LRRC1: variants seen among roughly 807,000 people sequenced by gnomAD.
LRRC1 encodes the protein leucine rich repeat containing 1, also known as leucine-rich repeat-containing protein 1.
Under a neutral mutation model 69.9 loss-of-function variants are expected in LRRC1, and 28 were observed. The observed-to-expected ratio is 0.40, with a 90% CI of 0.30 to 0.55. The LOEUF (loss-of-function observed/expected upper bound fraction) is 0.55, where lower values mean the gene tolerates loss of function less well. Among genes scored for constraint, LRRC1 ranks in the 20% least tolerant of loss-of-function variants. The probability of loss-of-function intolerance (pLI) is 0.47; values close to 1 mark genes in which losing one functional copy is unlikely to be tolerated. For synonymous variants in LRRC1, 236 were observed against 240.2 expected, an observed-to-expected ratio of 0.98 and a Z score of 0.16; for missense variants, 498 against 609.0, an observed-to-expected ratio of 0.82 and a Z score of 1.92.
intron 1 of LRRC1, among the ~76,000 whole-genome samples, chr6:53,816,729 A>G (rs1764960856): frequency 2.0e-4 from 1 of 5,108 alleles, no homozygotes; most frequent in African/African-American, 4.0e-4. Context: ...CATGGAGGGC[A>G]GAGGGAAGGA....
chr6:53,817,441 AGAACATTT>A, intron 1 of LRRC1, among the ~76,000 whole-genome samples: 1 of 152,280 alleles, frequency 6.6e-6, no homozygotes, highest in South Asian at 2.1e-4. Context: ...TTTTGTGATG[AGAACATTT>A]GAAATGTTCT....
At chr6:53,840,931 T>TGCGC (rs1554181927) in intron 1 of LRRC1, among the ~76,000 whole-genome samples, 1 of 123,942 alleles carries the variant, frequency 8.1e-6, no homozygotes, top group Non-Finnish European at 1.8e-5. Context: ...TGTGTGTGCG[T>TGCGC]GCGCGCACAT....
chr6:53,856,962 T>A (rs1766328820), intron 2 of LRRC1, among the ~76,000 whole-genome samples: 1 of 152,072 alleles, frequency 6.6e-6, no homozygotes, highest in African/African-American at 2.4e-5. Flanking sequence ...CTGGATAAGT[T>A]CCCACTTCCC....
chr6:53,871,237 A>G (rs970333256), intron 2 of LRRC1, among the ~76,000 whole-genome samples: 3 of 152,152 alleles, frequency 2.0e-5, no homozygotes, highest in African/African-American at 7.2e-5. Flanking sequence ...GGCTGTACTC[A>G]TTTAGATTCC....
intron 1 of LRRC1, among the ~76,000 whole-genome samples, chr6:53,832,119 T>C (rs1457594892): frequency 6.6e-6 from 1 of 152,200 alleles, no homozygotes; most frequent in Admixed American, 6.5e-5. Context: ...TTTGATCCTA[T>C]TGGTATGATG....
intron 2 of LRRC1, among the ~76,000 whole-genome samples, chr6:53,847,598 A>G (rs896735485): frequency 6.6e-6 from 1 of 152,336 alleles, no homozygotes; most frequent in South Asian, 2.1e-4. Context: ...AGCACTGCAG[A>G]CTAAGTGGAC....
At chr6:53,886,915 A>G (rs764408554) in intron 4 of LRRC1, among the ~76,000 whole-genome samples, 8 of 152,142 alleles carry the variant, frequency 5.3e-5, no homozygotes, top group Non-Finnish European at 1.0e-4. Context: ...ATCAGCTTGT[A>G]CTCTGATACT....
chr6:53,899,954 C>T (rs971573013), intron 8 of LRRC1, 63 bp downstream of exon 8: 2 of 1,491,678 alleles, frequency 1.3e-6, no homozygotes, highest in Non-Finnish European at 9.1e-7. Context: ...GGGTTTGGGG[C>T]ACACTTTGAT....
rs560442734 is a variant in LRRC1, at chr6:53,873,378, G to A, written c.278-5615G>A. Among the ~76,000 whole-genome samples the A allele has an allele frequency of 3.4e-4, 51 of 148,734 alleles. No individual in the cohort carries two copies. In the South Asian group the frequency reaches 9.4e-3, roughly 27 times the overall value. On this transcript the variant is annotated intron_variant, in intron 2 of 13. Transcript: ENST00000370888. ...GCGATCTGGGCTCGCTACAAGCTCC[G>A]CCTCCTGGGTTCATGCCATTCTCCT...
chr6:53,917,814 AG>A (rs1322468855), intron 11 of LRRC1, among the ~76,000 whole-genome samples: 1 of 152,248 alleles, frequency 6.6e-6, no homozygotes, highest in East Asian at 1.9e-4. Flanking sequence ...AAAATGAAAA[AG>A]TTTGATGTAC....
chr6:53,842,315 G>A (rs751774539), intron 2 of LRRC1, 88 bp downstream of exon 2: 50 of 841,702 alleles, frequency 5.9e-5, no homozygotes, highest in Admixed American at 2.1e-4. Flanking sequence ...GAGAACATGC[G>A]GTGTTTGGTT....
chr6:53,876,852 C>A (rs1315103050), intron 2 of LRRC1, among the ~76,000 whole-genome samples: 1 of 152,156 alleles, frequency 6.6e-6, no homozygotes, highest in Non-Finnish European at 1.5e-5. Flanking sequence ...GGTGGCTTTT[C>A]CAGGTGCACA....
intron 2 of LRRC1, among the ~76,000 whole-genome samples, chr6:53,860,344 A>G (rs1318754160): frequency 6.6e-6 from 1 of 152,246 alleles, no homozygotes; most frequent in Non-Finnish European, 1.5e-5. Context: ...ACCAATTTCA[A>G]TGTGTAAGTT....
chr6:53,913,856 C>A lies in LRRC1; in HGVS notation c.993C>A (p.Ile331=). The part of the protein sequence containing the change: ...RNKLVSLPKE[I]GGCCSLTVFC... ...ATGTATTTTCTTTCTCACCATAGAT[C>A]GGCGGGTGCTGCAGCCTCACTGTGT... Residue 331 remains isoleucine (I), a splice_region_variant and synonymous_variant, in exon 11 of 14, where the codon ATC becomes ATA. Coordinates refer to ENST00000370888, the MANE Select transcript of LRRC1 (RefSeq NM_018214.5). 2 of 1,572,352 alleles carry A rather than the reference C, an allele frequency of 1.3e-6. No homozygotes were observed. Among genetic ancestry groups the A allele is most frequent in the Non-Finnish European group, 8.7e-7 (1 of 1,154,820 alleles).
At chr6:53,826,714 C>T (rs1428137952) in intron 1 of LRRC1, among the ~76,000 whole-genome samples, 17 of 152,124 alleles carry the variant, frequency 1.1e-4, no homozygotes, top group Admixed American at 1.1e-3. Flanking sequence ...CCTCTTTAGA[C>T]ATACATTTTG....
intron 2 of LRRC1, among the ~76,000 whole-genome samples, chr6:53,863,495 T>G (rs1766597551): frequency 6.6e-6 from 1 of 152,198 alleles, no homozygotes; most frequent in Non-Finnish European, 1.5e-5. Context: ...TCTGAAGTCT[T>G]TATGTTCAAG....
At chr6:53,900,930 A>G (rs911813760) in intron 8 of LRRC1, among the ~76,000 whole-genome samples, 1 of 152,236 alleles carries the variant, frequency 6.6e-6, no homozygotes, top group Non-Finnish European at 1.5e-5. Flanking sequence ...AAGGTTTTCA[A>G]TAGTTGGAGA....
In LRRC1 at chr6:53,865,883, A is replaced by G. The variant is rs1290566827; in HGVS notation, c.278-13110A>G. ...ATTACAGGCACGCGCCACCATGCCC[A>G]GCTAATTTTTGTATTTTTAGTAGAG... On this transcript the variant is annotated intron_variant, in intron 2 of 13. Transcript: ENST00000370888. 8.6e-5 allele frequency among the ~76,000 whole-genome samples: 13 copies of G among 151,720 alleles called. No individual in the cohort carries two copies. In the East Asian group the frequency reaches 2.1e-3, roughly 25 times the overall value.
intron 2 of LRRC1, among the ~76,000 whole-genome samples, chr6:53,854,941 ACAGGAAGC>A (rs1219076176): frequency 6.6e-6 from 1 of 152,246 alleles, no homozygotes; most frequent in Non-Finnish European, 1.5e-5. Context: ...ATGAACATCA[ACAGGAAGC>A]TATTAGGTTT....
Sources: allele counts gnomAD v4.1 joint callset (sites outside exome capture counted in the v4.1 genomes callset), GRCh38; gene constraint gnomAD v4.1.1; transcripts MANE v1.5; gene names NCBI Gene and HGNC (gene_info 2026-07-23, HGNC 2026-07-21).